Variants in CNTLN observed in about 807,000 individuals in gnomAD.
CNTLN encodes the protein centlein.
Under a neutral mutation model 180.0 loss-of-function variants are expected in CNTLN, and 212 were observed. That is an observed-to-expected ratio of 1.18 (90% confidence interval 1.05 to 1.32). The LOEUF (loss-of-function observed/expected upper bound fraction) is 1.32, where lower values mean the gene tolerates loss of function less well. Among genes scored for constraint, CNTLN ranks in the 40% most tolerant of loss-of-function variants. The pLI is 0.00. For synonymous variants in CNTLN, 722 were observed against 563.1 expected, an observed-to-expected ratio of 1.28 and a Z score of -3.99; for missense variants, 2,095 against 1,610.9, an observed-to-expected ratio of 1.30 and a Z score of -5.14.
chr9:17,204,911 A>G (rs1337186703), intron 2 of CNTLN, among the ~76,000 whole-genome samples: 3 of 152,186 alleles, frequency 2.0e-5, no homozygotes, highest in Non-Finnish European at 4.4e-5. Context: ...CTAGAGTAGC[A>G]GTCTGGCCAC....
chr9:17,196,836 G>T (rs999780266), intron 2 of CNTLN, among the ~76,000 whole-genome samples: 2 of 151,946 alleles, frequency 1.3e-5, no homozygotes, highest in African/African-American at 2.4e-5. Flanking sequence ...ATTACCTCAA[G>T]CATTTATACT....
rs13284400 is a variant in CNTLN, at chr9:17,164,182, C to T, written c.449+20806C>T. On this transcript the variant is annotated intron_variant, in intron 2 of 25. Coordinates refer to ENST00000380647, the MANE Select transcript of CNTLN (RefSeq NM_017738.4). ...CAAAAATTAAACTGGCATGGTGTCG[C>T]GTGCCTGTAATCCTAGCTCCTCAGG... 7.7e-4 allele frequency among the ~76,000 whole-genome samples: 117 copies of T among 151,514 alleles called. 2 individuals are homozygous for T. The South Asian group carries it at 0.023, about 29-fold the overall frequency.
rs952768604 is a variant in CNTLN at position 17,353,714 on chromosome 9, C to T, written c.1886+11270C>T. Reference sequence around the variant, plus strand: ...TCTTGGTTTCAAGCAATTATCCTGCCTCAGCTTCCTGAGTAGCTGGGATTA... The same window carrying T: ...TCTTGGTTTCAAGCAATTATCCTGCTTCAGCTTCCTGAGTAGCTGGGATTA... On this transcript the variant is annotated intron_variant, in intron 12 of 25. Coordinates refer to ENST00000380647, the MANE Select transcript of CNTLN (RefSeq NM_017738.4). 1.3e-5 allele frequency among the ~76,000 whole-genome samples: 2 copies of T among 151,886 alleles called. 1 individual carries two copies. Among genetic ancestry groups the T allele is most frequent in the African/African-American group, 4.8e-5 (2 of 41,366 alleles).
intron 5 of CNTLN, among the ~76,000 whole-genome samples, chr9:17,244,878 A>C (rs1825711363): frequency 6.6e-6 from 1 of 152,206 alleles, no homozygotes; most frequent in Admixed American, 6.5e-5. Flanking sequence ...TAAACTGATT[A>C]CATCTTAACA....
At chr9:17,490,850 C>T (rs1833124670) in intron 25 of CNTLN, among the ~76,000 whole-genome samples, 4 of 152,032 alleles carry the variant, frequency 2.6e-5, no homozygotes, top group Non-Finnish European at 4.4e-5. Context: ...GTGCCCCCCA[C>T]CAATAGCAGA....
At chr9:17,136,702 C>G (rs1488564833) in intron 1 of CNTLN, among the ~76,000 whole-genome samples, 2 of 152,154 alleles carry the variant, frequency 1.3e-5, no homozygotes, top group East Asian at 3.9e-4. Context: ...GGACCATCTT[C>G]AAATTGAATG....
rs902903506 is a variant in CNTLN at position 17,298,938 on chromosome 9, C to G, written c.1146+586C>G. 13 of 984,912 alleles carry G rather than the reference C, an allele frequency of 1.3e-5. No homozygotes were observed. In the African/African-American group the frequency reaches 2.1e-4, roughly 16 times the overall value. 61.0% of individuals were successfully genotyped at this position (984,912 alleles called of 1,614,324 possible). A position where few individuals can be genotyped will look rare whatever the true frequency, so the allele number is the denominator to read the frequency against. On this transcript the variant is annotated intron_variant, in intron 7 of 25. Coordinates refer to ENST00000380647, the MANE Select transcript of CNTLN (RefSeq NM_017738.4). ...GACTCAGCAGCAATAATTTAATCTACTAATTAAAAAAAATACCTTTATTGG... is the reference window on the plus strand; with the variant it reads ...GACTCAGCAGCAATAATTTAATCTAGTAATTAAAAAAAATACCTTTATTGG...
intron 14 of CNTLN, among the ~76,000 whole-genome samples, chr9:17,390,875 A>G (rs1434806236): frequency 1.3e-5 from 2 of 152,170 alleles, no homozygotes; most frequent in African/African-American, 2.4e-5. Flanking sequence ...ATACATTCAT[A>G]TTAGGAAGTT....
intron 18 of CNTLN, among the ~76,000 whole-genome samples, chr9:17,421,464 A>G (rs1341767828): frequency 6.6e-6 from 1 of 152,042 alleles, no homozygotes; most frequent in Non-Finnish European, 1.5e-5. Flanking sequence ...GCATCTTTAT[A>G]GGTGAAATGA....
At chr9:17,135,573 G>T (rs926967312) in intron 1 of CNTLN, 148 bp downstream of exon 1, 92 of 1,133,156 alleles carry the variant, frequency 8.1e-5, no homozygotes, top group Non-Finnish European at 3.7e-5. Context: ...CGCGGCCGGG[G>T]GCTGGAGGGA....
chr9:17,518,377 G>A, the CNTLN span, among the ~76,000 whole-genome samples: 1 of 152,012 alleles, frequency 6.6e-6, no homozygotes, highest in Admixed American at 6.6e-5. Flanking sequence ...CAGATATGCA[G>A]TATACTGTTT....
At chr9:17,255,763 A>G (rs1410060372) in intron 5 of CNTLN, among the ~76,000 whole-genome samples, 1 of 151,758 alleles carries the variant, frequency 6.6e-6, no homozygotes, top group Non-Finnish European at 1.5e-5. Context: ...TTTTGGTAGA[A>G]TTATCCAGTG....
At chr9:17,192,877 G>T (rs1188204713) in intron 2 of CNTLN, among the ~76,000 whole-genome samples, 1 of 152,112 alleles carries the variant, frequency 6.6e-6, no homozygotes, top group Non-Finnish European at 1.5e-5. Flanking sequence ...TGATAAAGAC[G>T]TACCTGAGAC....
chr9:17,164,915 G>A (rs995338359), intron 2 of CNTLN, among the ~76,000 whole-genome samples: 3 of 146,176 alleles, frequency 2.1e-5, no homozygotes, highest in Non-Finnish European at 3.0e-5. Context: ...GGCTCACTGC[G>A]ACCTCTGCCA....
rs774896958 is a variant in CNTLN, at chr9:17,319,426, C to T, written c.1341+10174C>T. 7.9e-5 allele frequency among the ~76,000 whole-genome samples: 12 copies of T among 152,084 alleles called. No individual in the cohort carries two copies. In the East Asian group the frequency reaches 1.2e-3, roughly 15 times the overall value. On this transcript the variant is annotated intron_variant, in intron 8 of 25. Transcript: ENST00000380647. ...CTAAGTGGAAAGTGAAATATACAGT[C>T]GAGGGGAAATGGTAGAAAGGTTTTA... is the stretch of plus-strand genomic sequence containing the variant.
intron 23 of CNTLN, among the ~76,000 whole-genome samples, chr9:17,479,817 G>C (rs1832541176): frequency 6.6e-6 from 1 of 151,966 alleles, no homozygotes; most frequent in Non-Finnish European, 1.5e-5. Flanking sequence ...ATAAATAATA[G>C]AGCTGAAATG....
At chr9:17,497,579 C>T (rs1192170236) in intron 25 of CNTLN, among the ~76,000 whole-genome samples, 1 of 152,136 alleles carries the variant, frequency 6.6e-6, no homozygotes, top group Non-Finnish European at 1.5e-5. Context: ...TTCTGTCTTA[C>T]AACTTCTAGA....
intron 6 of CNTLN, among the ~76,000 whole-genome samples, chr9:17,274,453 A>ATATCTATCTATCTGTCTATGTATC (rs1470236004): frequency 4.3e-5 from 6 of 138,890 alleles, no homozygotes; most frequent in South Asian, 2.4e-4. Context: ...TCATAGATCA[A>ATATCTATCTATCTGTCTATGTATC]TATCTATCTA....
At chr9:17,209,727 C>T (rs555091688) in intron 2 of CNTLN, among the ~76,000 whole-genome samples, 10 of 152,122 alleles carry the variant, frequency 6.6e-5, no homozygotes, top group Non-Finnish European at 1.3e-4. Flanking sequence ...AGTATAGCTA[C>T]TCATACTCAT....
Sources: allele counts gnomAD v4.1 joint callset (sites outside exome capture counted in the v4.1 genomes callset), GRCh38; gene constraint gnomAD v4.1.1; transcripts MANE v1.5; gene names NCBI Gene and HGNC (gene_info 2026-07-23, HGNC 2026-07-21).